Variants in LYST observed in about 807,000 individuals in gnomAD.
LYST encodes the protein lysosomal-trafficking regulator.
LYST carries 192 observed loss-of-function variants against 413.6 expected under a neutral mutation model. The ratio of observed to expected loss-of-function variants is 0.46; its 90% CI spans 0.41 to 0.52. The LOEUF is 0.52. Among genes scored for constraint, LYST ranks in the 20% least tolerant of loss-of-function variants. The pLI, the probability that LYST is intolerant of heterozygous loss-of-function variation, is 0.00. For synonymous variants in LYST, 1,525 were observed against 1,567.3 expected (o/e 0.97, Z 0.64); for missense variants, 3,815 against 4,499.9 (o/e 0.85, Z 4.35).
At chr1:235,813,624 G>T (rs1257392670) in intron 3 of LYST, among the ~76,000 whole-genome samples, 1 of 152,190 alleles carries the variant, frequency 6.6e-6, no homozygotes, top group Non-Finnish European at 1.5e-5. Context: ...TATGGTCCAA[G>T]CCCTGGAGAA....
intron 34 of LYST, among the ~76,000 whole-genome samples, chr1:235,731,702 G>A (rs1365210051): frequency 6.6e-6 from 1 of 151,768 alleles, no homozygotes; most frequent in African/African-American, 2.4e-5. Flanking sequence ...GGGATTACAG[G>A]CTCCCACCAC....
intron 43 of LYST, among the ~76,000 whole-genome samples, chr1:235,711,575 G>A (rs1307199390): frequency 1.3e-5 from 2 of 152,146 alleles, no homozygotes. Context: ...AGCCAAGACT[G>A]TTAGTTGGCA....
intron 50 of LYST, among the ~76,000 whole-genome samples, chr1:235,667,853 G>C (rs376213710): frequency 6.6e-6 from 1 of 151,914 alleles, no homozygotes; most frequent in East Asian, 1.9e-4. Flanking sequence ...TAGTAGAGAT[G>C]GGGTTTCACT....
chr1:235,714,974 T>C (rs889662208), intron 42 of LYST, among the ~76,000 whole-genome samples: 1 of 152,240 alleles, frequency 6.6e-6, no homozygotes, highest in African/African-American at 2.4e-5. Flanking sequence ...TGCATTTTTA[T>C]AAACTTAGAC....
rs375127531 is a variant in LYST at position 235,792,041 on chromosome 1, G to C, written c.4201C>G (p.His1401Asp). The C allele has an allele frequency of 6.2e-7, 1 of 1,613,576 alleles. No homozygotes were observed. The highest frequency in any genetic ancestry group is 1.3e-5 in the African/African-American group (1 of 74,898). ...PSQYLTFPLL[H>D]APNLSNGVSS... The stretch of plus-strand genomic sequence containing the variant: ...ACACCGTTGCTTAAATTTGGAGCGT[G>C]CAGTAAAGGGAAGGTTAGATACTGT... Residue 1401 changes from histidine (H) to aspartate (D), a missense_variant, in exon 12 of 53, where the codon CAC (histidine) becomes GAC (aspartate). Transcript: ENST00000389793.
intron 45 of LYST, among the ~76,000 whole-genome samples, chr1:235,700,789 T>G (rs1219497645): frequency 1.3e-5 from 2 of 152,200 alleles, no homozygotes; most frequent in Non-Finnish European, 2.9e-5. Context: ...ATGCTGAGTG[T>G]CTATTATATG....
chr1:235,726,988 A>G (rs953843110), intron 38 of LYST, among the ~76,000 whole-genome samples: 1 of 152,198 alleles, frequency 6.6e-6, no homozygotes, highest in Non-Finnish European at 1.5e-5. Flanking sequence ...TCTGGGACAT[A>G]CCCTGTGGTA....
intron 44 of LYST, among the ~76,000 whole-genome samples, chr1:235,703,342 T>TG (rs966549444): frequency 6.6e-6 from 1 of 152,178 alleles, no homozygotes; most frequent in African/African-American, 2.4e-5. Flanking sequence ...GGTAGATAGT[T>TG]GAAGAGATAA....
intron 48 of LYST, among the ~76,000 whole-genome samples, chr1:235,679,989 C>G (rs1659683147): frequency 7.0e-6 from 1 of 143,808 alleles, no homozygotes; most frequent in Non-Finnish European, 1.6e-5. Flanking sequence ...TTAAGGCTCT[C>G]TCTCTCTCTC....
intron 48 of LYST, among the ~76,000 whole-genome samples, chr1:235,680,671 C>T (rs537255887): frequency 6.9e-4 from 105 of 151,990 alleles, no homozygotes; most frequent in African/African-American, 2.5e-3. Context: ...CAACCTTGGC[C>T]CACTGCAACC....
At chr1:235,770,060 A>AG (rs1302385980) in intron 20 of LYST, 100 bp downstream of exon 20, 42 of 1,097,362 alleles carry the variant, frequency 3.8e-5, no homozygotes, top group Middle Eastern at 6.1e-4. Flanking sequence ...AAAAAAAAAG[A>AG]AAAAAAGTCC....
intron 1 of LYST, among the ~76,000 whole-genome samples, chr1:235,861,648 A>G (rs1484119288): frequency 2.0e-5 from 3 of 152,080 alleles, no homozygotes; most frequent in Non-Finnish European, 4.4e-5. Context: ...TGATATATAC[A>G]TATATATGTT....
intron 1 of LYST, among the ~76,000 whole-genome samples, chr1:235,861,481 A>T (rs1679863181): frequency 6.6e-6 from 1 of 152,220 alleles, no homozygotes; most frequent in Non-Finnish European, 1.5e-5. Flanking sequence ...TATCAAAGAC[A>T]ATACAGTGCC....
At chr1:235,764,676 T>TA (rs1667956397) in intron 21 of LYST, among the ~76,000 whole-genome samples, 1 of 151,784 alleles carries the variant, frequency 6.6e-6, no homozygotes, top group Non-Finnish European at 1.5e-5. Context: ...ATTTTTTTTT[T>TA]ATTTTTAGTA....
chr1:235,758,196 GA>G (rs1667228648), intron 23 of LYST, among the ~76,000 whole-genome samples: 1 of 152,196 alleles, frequency 6.6e-6, no homozygotes, highest in African/African-American at 2.4e-5. Context: ...TGCGATAGCA[GA>G]AGTAGAGGAA....
intron 16 of LYST, 132 bp downstream of exon 16, chr1:235,780,733 A>G (rs911873788): frequency 5.7e-5 from 24 of 420,790 alleles, no homozygotes; most frequent in Non-Finnish European, 9.2e-5. Flanking sequence ...AGAAAAAAAC[A>G]TAATTCTAAG....
At chr1:235,820,341 T>C (rs1315750719) in intron 3 of LYST, among the ~76,000 whole-genome samples, 1 of 151,960 alleles carries the variant, frequency 6.6e-6, no homozygotes, top group Admixed American at 6.6e-5. Flanking sequence ...CAGAATGTGA[T>C]GGAAAGCTAA....
At chr1:235,861,657 TTTTG>T (rs1357548303) in intron 1 of LYST, among the ~76,000 whole-genome samples, 1 of 152,150 alleles carries the variant, frequency 6.6e-6, no homozygotes, top group Non-Finnish European at 1.5e-5. Context: ...CATATATATG[TTTTG>T]TTTGTTTGTT....
intron 3 of LYST, chr1:235,829,401 A>C (rs1482034948): frequency 6.6e-6 from 1 of 152,218 alleles, no homozygotes; most frequent in Non-Finnish European, 1.5e-5. Context: ...CCAATTTTAC[A>C]TCTAAAGCTG....
Sources: allele counts gnomAD v4.1 joint callset (sites outside exome capture counted in the v4.1 genomes callset), GRCh38; gene constraint gnomAD v4.1.1; transcripts MANE v1.5; gene names NCBI Gene and HGNC (gene_info 2026-07-23, HGNC 2026-07-21).